The following KCNQ3 variants were observed in gnomAD, a reference collection of about 807,000 sequenced individuals.
KCNQ3 encodes the protein potassium voltage-gated channel subfamily KQT member 3.
KCNQ3 carries 30 observed loss-of-function variants against 92.5 expected under a neutral mutation model. The observed-to-expected ratio is 0.32, with a 90% confidence interval of 0.24 to 0.44. KCNQ3 has a LOEUF of 0.44. Among genes scored for constraint, KCNQ3 ranks in the 20% least tolerant of loss-of-function variants. The pLI is 1.00. For missense variants in KCNQ3, 913 were observed against 1,140.3 expected (o/e 0.80, Z 2.87); for synonymous variants, 450 against 468.8 (o/e 0.96, Z 0.52).
chr8:132,180,624 G>GC (rs1826728050), intron 3 of KCNQ3, among the ~76,000 whole-genome samples: 1 of 152,058 alleles, frequency 6.6e-6, no homozygotes, highest in Non-Finnish European at 1.5e-5. Context: ...ATTTACCAAG[G>GC]CCCCCCGCAG....
At chr8:132,266,667 T>C (rs1172524409) in intron 1 of KCNQ3, among the ~76,000 whole-genome samples, 1 of 152,160 alleles carries the variant, frequency 6.6e-6, no homozygotes, top group African/African-American at 2.4e-5. Flanking sequence ...GTAGGGTTTC[T>C]CAAACCGGAG....
chr8:132,399,119 C>T lies in KCNQ3; in HGVS notation c.386+81028G>A, dbSNP rs569847412. Reference sequence around the variant, plus strand: ...ACATCAATGACAGAATATGCAGATACGATTTACAAATTTATTCAGAAGACA... The same window carrying T: ...ACATCAATGACAGAATATGCAGATATGATTTACAAATTTATTCAGAAGACA... On this transcript the variant is annotated intron_variant, in intron 1 of 14. Coordinates refer to ENST00000388996, the MANE Select transcript of KCNQ3 (RefSeq NM_004519.4). Among the ~76,000 whole-genome samples, 7 of 152,176 alleles carry T rather than the reference C, an allele frequency of 4.6e-5. No individual in the cohort carries two copies. The South Asian group carries it at 8.3e-4, about 18-fold the overall frequency.
chr8:132,239,299 T>C lies in KCNQ3; in HGVS notation c.387-53118A>G, dbSNP rs150688896. 5.3e-5 allele frequency among the ~76,000 whole-genome samples: 8 copies of C among 152,286 alleles called. No individual in the cohort carries two copies. The East Asian group carries it at 1.4e-3, about 26-fold the overall frequency. On this transcript the variant is annotated intron_variant, in intron 1 of 14. Transcript: ENST00000388996. ...ATACATCCTGCTCCTCTTTGGCAAA[T>C]TGCTAAATCCAAGAAGATGTAATCA...
At chr8:132,249,234 G>A (rs1255721138) in intron 1 of KCNQ3, among the ~76,000 whole-genome samples, 1 of 152,166 alleles carries the variant, frequency 6.6e-6, no homozygotes, top group African/African-American at 2.4e-5. Context: ...ACTGCCAGCT[G>A]GGGCAGCCTG....
At chr8:132,479,682 C>A (rs1218478051) in intron 1 of KCNQ3, among the ~76,000 whole-genome samples, 1 of 149,232 alleles carries the variant, frequency 6.7e-6, no homozygotes, top group Non-Finnish European at 1.5e-5. Context: ...TGGTGCGCAC[C>A]CCTCCCATCC....
At chr8:132,457,840 C>T (rs1038898879) in intron 1 of KCNQ3, among the ~76,000 whole-genome samples, 14 of 152,228 alleles carry the variant, frequency 9.2e-5, no homozygotes, top group South Asian at 4.1e-4. Context: ...ATTTTACCAA[C>T]GAAGAATTTG....
At chr8:132,260,026 T>G (rs1815724813) in intron 1 of KCNQ3, among the ~76,000 whole-genome samples, 1 of 152,196 alleles carries the variant, frequency 6.6e-6, no homozygotes, top group Non-Finnish European at 1.5e-5. Flanking sequence ...TAAGACATCC[T>G]GTGTTCATAG....
chr8:132,133,892 C>G (rs1404263901), intron 13 of KCNQ3, among the ~76,000 whole-genome samples: 2 of 152,172 alleles, frequency 1.3e-5, no homozygotes, highest in African/African-American at 4.8e-5. Flanking sequence ...AGTGTCTTCT[C>G]TGGCTTTGTC....
At position 132,129,793 on chromosome 8, in the gene KCNQ3, G is replaced by C; in HGVS notation, c.2088C>G (p.Pro696=). 6.2e-7 allele frequency: 1 copy of C among 1,614,196 alleles called. No homozygotes were observed. The highest frequency in any genetic ancestry group is 1.1e-5 in the South Asian group (1 of 91,080). ...CAATGGTCACCTGGTGGAAGCTGTA[G>C]GGTGGTTCCGGGGGGCCTGTCTCAG... ...NYSETGPPEP[P]YSFHQVTIDK... Residue 696 remains proline (P), a synonymous_variant, in exon 15 of 15, where the codon CCC becomes CCG. Transcript: ENST00000388996. This position sits in a 1 kb window ranked among gnomAD's most constrained non-coding sequence, Gnocchi z 5.9.
intron 1 of KCNQ3, 121 bp downstream of exon 1, chr8:132,480,026 T>C: frequency 4.3e-6 from 4 of 932,128 alleles, no homozygotes; most frequent in Non-Finnish European, 6.5e-6. Flanking sequence ...CGGGCTGGTC[T>C]CCCCTTCAGC....
chr8:132,447,174 C>A lies in KCNQ3; in HGVS notation c.386+32973G>T, dbSNP rs768231629. ...ATCTTAGGATGCTCTGTTTTCATAT[C>A]CCCAAAATGAGAATCCAAAGACTTA... On this transcript the variant is annotated intron_variant, in intron 1 of 14. Transcript: ENST00000388996. The A allele has an allele frequency of 1.8e-5, 28 of 1,528,900 alleles. 1 individual carries two copies. The South Asian group carries it at 2.9e-4, about 16-fold the overall frequency. 94.7% of individuals were successfully genotyped at this position (1,528,900 alleles called of 1,614,324 possible).
At chr8:132,330,328 C>A (rs1818192011) in intron 1 of KCNQ3, among the ~76,000 whole-genome samples, 2 of 152,208 alleles carry the variant, frequency 1.3e-5, no homozygotes, top group South Asian at 2.1e-4. Context: ...TTTCAGACAC[C>A]AGATTAATGG....
chr8:132,427,388 C>T (rs927820770), intron 1 of KCNQ3, among the ~76,000 whole-genome samples: 6 of 152,164 alleles, frequency 3.9e-5, no homozygotes, highest in African/African-American at 9.7e-5. Flanking sequence ...TCTCCTTTAA[C>T]GTAAGGAGTC....
chr8:132,148,243 G>GTAAT (rs1825513600), intron 9 of KCNQ3, among the ~76,000 whole-genome samples: 1 of 151,874 alleles, frequency 6.6e-6, no homozygotes, highest in African/African-American at 2.4e-5. Context: ...GAAGATGATG[G>GTAAT]TAATTTCTTT....
At chr8:132,260,004 T>C (rs1446591717) in intron 1 of KCNQ3, among the ~76,000 whole-genome samples, 6 of 152,138 alleles carry the variant, frequency 3.9e-5, no homozygotes, top group Non-Finnish European at 5.9e-5. Flanking sequence ...TTTTAAAAAG[T>C]TAAATAAATA....
rs151135975 is a variant in KCNQ3, at chr8:132,187,675, G to A, written c.387-1494C>T. Among the ~76,000 whole-genome samples, 6 of 151,772 alleles carry A rather than the reference G, an allele frequency of 4.0e-5. No individual in the cohort carries two copies. The East Asian group carries it at 1.2e-3, about 29-fold the overall frequency. On this transcript the variant is annotated intron_variant, in intron 1 of 14. Coordinates refer to ENST00000388996, the MANE Select transcript of KCNQ3 (RefSeq NM_004519.4). ...GGTTGTGATGATAGTGGTGGTGGTG[G>A]TGGTGATTATGATGGTTGTGATGAT...
intron 1 of KCNQ3, among the ~76,000 whole-genome samples, chr8:132,430,697 G>C (rs952684179): frequency 1.3e-5 from 2 of 152,228 alleles, no homozygotes; most frequent in Non-Finnish European, 1.5e-5. Context: ...CAGACAATGA[G>C]TCTATTTCGG....
At chr8:132,378,392 T>TA (rs530985799) in intron 1 of KCNQ3, among the ~76,000 whole-genome samples, 20 of 147,348 alleles carry the variant, frequency 1.4e-4, no homozygotes, top group Admixed American at 2.0e-4. Flanking sequence ...ACTCTCTCTT[T>TA]AAAAAAAAAA....
At chr8:132,355,720 A>G (rs1329053556) in intron 1 of KCNQ3, among the ~76,000 whole-genome samples, 3 of 152,216 alleles carry the variant, frequency 2.0e-5, no homozygotes, top group Non-Finnish European at 4.4e-5. Flanking sequence ...TGCCCATCAC[A>G]TGGTCTGCTG....
Sources: gnomAD v4.1 joint callset for allele counts (sites outside exome capture counted in the v4.1 genomes callset) on GRCh38, gnomAD v4.1.1 for gene constraint, Gnocchi (gnomAD v3.1) non-coding constraint, MANE v1.5 for transcripts, NCBI Gene and HGNC (gene_info 2026-07-23, HGNC 2026-07-21) for gene names.